Variants in NLGN4X observed in about 807,000 individuals in gnomAD.
The protein encoded by NLGN4X is neuroligin-4, X-linked.
A neutral mutation model predicts 40.3 loss-of-function variants in NLGN4X; 3 were observed. The observed-to-expected ratio is 0.07, with a 90% confidence interval of 0.03 to 0.19. The LOEUF is 0.19. Ranked by LOEUF, NLGN4X falls within the 10% of genes least tolerant of loss-of-function variation. NLGN4X has a pLI of 1.00. For missense variants in NLGN4X, 382 were observed against 708.3 expected, an observed-to-expected ratio of 0.54 and a Z score of 5.23; for synonymous variants, 270 against 306.8, an observed-to-expected ratio of 0.88 and a Z score of 1.25.
intron 3 of NLGN4X, among the ~76,000 whole-genome samples, chrX:5,940,155 GAA>G (rs373614079): frequency 1.0e-5 from 1 of 100,003 alleles, no homozygotes; most frequent in African/African-American, 3.6e-5. Flanking sequence ...TTTCATCACG[GAA>G]AAAAAAAAAG....
At chrX:6,053,669 C>G (rs1166895632) in intron 2 of NLGN4X, among the ~76,000 whole-genome samples, 2 of 111,685 alleles carry the variant, frequency 1.8e-5, no homozygotes, top group African/African-American at 6.5e-5. Context: ...AAACACCACC[C>G]AATTTTCCAG....
chrX:6,192,082 T>C (rs1277467883), intron 1 of NLGN4X, among the ~76,000 whole-genome samples: 1 of 111,437 alleles, frequency 9.0e-6, no homozygotes, highest in Non-Finnish European at 1.9e-5. Flanking sequence ...AGTTTGGGCA[T>C]TCCTTAGACA....
At chrX:6,120,682 G>A (rs1003516898) in intron 2 of NLGN4X, among the ~76,000 whole-genome samples, 2 of 111,737 alleles carry the variant, frequency 1.8e-5, no homozygotes, top group Non-Finnish European at 3.8e-5. Flanking sequence ...CTTGTCCCTA[G>A]AGAGAAAACT....
At chrX:6,095,652 C>T (rs2038753115) in intron 2 of NLGN4X, among the ~76,000 whole-genome samples, 1 of 111,786 alleles carries the variant, frequency 8.9e-6, no homozygotes, top group Non-Finnish European at 1.9e-5. Flanking sequence ...CTAGGATTAC[C>T]ATACTGGTGC....
At chrX:5,925,899 T>TATATATATAC (rs2033285316) in intron 3 of NLGN4X, among the ~76,000 whole-genome samples, 1 of 31,314 alleles carries the variant, frequency 3.2e-5, no homozygotes, top group Non-Finnish European at 4.7e-5. Context: ...TATATATATA[T>TATATATATAC]ATATATATAT....
At chrX:6,146,943 A>G (rs1045312871) in intron 2 of NLGN4X, among the ~76,000 whole-genome samples, 1 of 109,772 alleles carries the variant, frequency 9.1e-6, no homozygotes. Context: ...GGCGCACACC[A>G]CCATGCCCAG....
rs1021100333 is a variant in NLGN4X at position 6,196,289 on chromosome X, C to T, written c.-306+32252G>A. 1.2e-4 allele frequency among the ~76,000 whole-genome samples: 13 copies of T among 111,300 alleles called. No homozygotes were observed. In the South Asian group the frequency reaches 5.0e-3, roughly 43 times the overall value. On this transcript the variant is annotated intron_variant, in intron 1 of 5. Coordinates refer to ENST00000381095, the MANE Select transcript of NLGN4X (RefSeq NM_181332.3). Reference sequence around the variant, plus strand: ...CCACTGAAAGTGTTTCGGTGGCTCACGCCTGTAATCCCAGCTACTCGGGAG... The same window carrying T: ...CCACTGAAAGTGTTTCGGTGGCTCATGCCTGTAATCCCAGCTACTCGGGAG...
intron 3 of NLGN4X, among the ~76,000 whole-genome samples, chrX:5,967,209 T>C (rs752002423): frequency 1.8e-3 from 202 of 112,052 alleles, no homozygotes; most frequent in Non-Finnish European, 3.0e-3. Flanking sequence ...ACTCCTTTCT[T>C]GTGCCTCTAT....
At chrX:5,944,664 A>AG (rs1569145804) in intron 3 of NLGN4X, among the ~76,000 whole-genome samples, 1 of 108,274 alleles carries the variant, frequency 9.2e-6, no homozygotes, top group African/African-American at 3.4e-5. Context: ...AAAAAAAAAA[A>AG]AAAAAAAAAG....
chrX:6,179,983 T>A (rs1170970664), intron 1 of NLGN4X, among the ~76,000 whole-genome samples: 1 of 111,966 alleles, frequency 8.9e-6, no homozygotes, highest in Non-Finnish European at 1.9e-5. Context: ...AGTTATCTTT[T>A]CAGGGCACCT....
intron 3 of NLGN4X, among the ~76,000 whole-genome samples, chrX:5,926,671 A>G (rs2033330624): frequency 9.1e-6 from 1 of 109,612 alleles, no homozygotes; most frequent in African/African-American, 3.3e-5. Flanking sequence ...ACAGCTGGTC[A>G]GTTTCTTCTG....
chrX:5,988,018 G>A (rs2035576725), intron 3 of NLGN4X, among the ~76,000 whole-genome samples: 2 of 111,792 alleles, frequency 1.8e-5, no homozygotes, highest in Non-Finnish European at 3.8e-5. Flanking sequence ...TGGAGGCTGC[G>A]GTGAGCCATG....
chrX:6,061,102 T>C (rs968714362), intron 2 of NLGN4X, among the ~76,000 whole-genome samples: 23 of 111,744 alleles, frequency 2.1e-4, no homozygotes, highest in Non-Finnish European at 3.6e-4. Flanking sequence ...AGAGCTATAA[T>C]GTGGTTCTGC....
intron 1 of NLGN4X, among the ~76,000 whole-genome samples, chrX:6,160,908 C>T (rs1205945532): frequency 1.0e-5 from 1 of 95,915 alleles, no homozygotes; most frequent in Admixed American, 1.3e-4. Flanking sequence ...ATATATTATT[C>T]TATATATAAA....
At chrX:6,018,249 T>C (rs922374010) in intron 3 of NLGN4X, among the ~76,000 whole-genome samples, 1 of 111,385 alleles carries the variant, frequency 9.0e-6, no homozygotes, top group Non-Finnish European at 1.9e-5. Context: ...TATATATGTG[T>C]ATATATATGT....
intron 1 of NLGN4X, among the ~76,000 whole-genome samples, chrX:6,216,095 A>G (rs769474505): frequency 1.8e-5 from 2 of 111,007 alleles, no homozygotes; most frequent in African/African-American, 3.3e-5. Context: ...TCCTGACCTC[A>G]TATGATCCAC....
chrX:5,926,933 C>CTTCT (rs1555921568), intron 3 of NLGN4X, among the ~76,000 whole-genome samples: 1 of 66,513 alleles, frequency 1.5e-5, no homozygotes, highest in Middle Eastern at 7.6e-3. Flanking sequence ...ATCTCTATAT[C>CTTCT]TTCTATCTAT....
intron 1 of NLGN4X, among the ~76,000 whole-genome samples, chrX:6,176,311 A>G (rs1197519288): frequency 1.8e-5 from 2 of 112,574 alleles, no homozygotes; most frequent in Non-Finnish European, 3.8e-5. Flanking sequence ...ACCATTTAGC[A>G]GCCCAACAAC....
intron 3 of NLGN4X, among the ~76,000 whole-genome samples, chrX:5,919,478 G>C (rs957359527): frequency 1.8e-5 from 2 of 111,624 alleles, no homozygotes; most frequent in African/African-American, 6.5e-5. Flanking sequence ...CTACAGCAGG[G>C]GTCCCCAAGC....
Sources: gnomAD v4.1 joint callset for allele counts (sites outside exome capture counted in the v4.1 genomes callset) on GRCh38, gnomAD v4.1.1 for gene constraint, MANE v1.5 for transcripts, NCBI Gene and HGNC (gene_info 2026-07-23, HGNC 2026-07-21) for gene names.